UBA2: variants seen among roughly 807,000 people sequenced by gnomAD.
The protein encoded by UBA2 is SUMO-activating enzyme subunit 2.
A neutral mutation model predicts 77.2 loss-of-function variants in UBA2; 11 were observed. The ratio of observed to expected loss-of-function variants is 0.14; its 90% CI spans 0.09 to 0.24. The LOEUF (loss-of-function observed/expected upper bound fraction) is 0.24, where lower values mean the gene tolerates loss of function less well. UBA2 is among the 10% of genes least tolerant of loss of function. The pLI is 1.00. For missense variants in UBA2, 487 were observed against 781.7 expected (o/e 0.62, Z 4.50); for synonymous variants, 278 against 276.7 (o/e 1.00, Z -0.05).
At chr19:34,441,171 C>T (rs1382219629) in intron 6 of UBA2, among the ~76,000 whole-genome samples, 1 of 152,028 alleles carries the variant, frequency 6.6e-6, no homozygotes, top group Non-Finnish European at 1.5e-5. Context: ...TAAAAACTTA[C>T]TAGGCCGGGC....
rs869118014 is a variant in UBA2 at position 34,456,100 on chromosome 19, C to CTTT, written c.1245+1547_1245+1549dup. 8.7e-3 allele frequency among the ~76,000 whole-genome samples: 484 copies of CTTT among 55,754 alleles called. 83 individuals are homozygous for CTTT. Among genetic ancestry groups the CTTT allele is most frequent in the East Asian group, 0.013 (23 of 1,780 alleles). 36.6% of individuals were successfully genotyped at this position (55,754 alleles called of 152,430 possible). Reference sequence around the variant, plus strand: ...CCCGATGCGCTCTTTTTTTCCTTTTCTTTTTCTTTTTTTTTTTTTTTTTTG... The same window carrying CTTT: ...CCCGATGCGCTCTTTTTTTCCTTTTCTTTTTTTTCTTTTTTTTTTTTTTTTTTG... On this transcript the variant is annotated intron_variant, in intron 12 of 16. Coordinates refer to ENST00000246548, the MANE Select transcript of UBA2 (RefSeq NM_005499.3).
intron 14 of UBA2, among the ~76,000 whole-genome samples, chr19:34,462,651 G>A (rs2075644276): frequency 8.5e-5 from 13 of 152,058 alleles, no homozygotes; most frequent in Admixed American, 8.5e-4. Context: ...AAAAGTGGGG[G>A]GAGACTGAAA....
At chr19:34,441,193 C>T (rs909340817) in intron 6 of UBA2, among the ~76,000 whole-genome samples, 1 of 152,144 alleles carries the variant, frequency 6.6e-6, no homozygotes. Context: ...AGGTGGCTCA[C>T]GCCTGTAATC....
chr19:34,433,698 G>A (rs972641291), intron 4 of UBA2, among the ~76,000 whole-genome samples: 2 of 152,156 alleles, frequency 1.3e-5, no homozygotes, highest in African/African-American at 4.8e-5. Context: ...AGTGGCTCAC[G>A]CCTGTAATCC....
chr19:34,469,461 T>A lies in UBA2; in HGVS notation c.*240T>A, dbSNP rs2075718901. On this transcript the variant is annotated 3_prime_UTR_variant, in exon 17 of 17. Transcript: ENST00000246548. ...AGTGTGTGCATAACCAGTCATGAGATAAAACAACACAATGCATGTTGCCTT... is the reference window on the plus strand; with the variant it reads ...AGTGTGTGCATAACCAGTCATGAGAAAAAACAACACAATGCATGTTGCCTT... 1 of 249,176 alleles carries A rather than the reference T, an allele frequency of 4.0e-6. No homozygotes were observed. Among genetic ancestry groups the A allele is most frequent in the Admixed American group, 5.5e-5 (1 of 18,188 alleles). 15.4% of individuals were successfully genotyped at this position (249,176 alleles called of 1,614,324 possible). A position where few individuals can be genotyped will look rare whatever the true frequency, so the allele number is the denominator to read the frequency against.
At chr19:34,460,177 T>C (rs944775222) in intron 13 of UBA2, among the ~76,000 whole-genome samples, 6 of 152,194 alleles carry the variant, frequency 3.9e-5, no homozygotes, top group African/African-American at 1.4e-4. Context: ...GTCAAGTGTG[T>C]AGCTCACTAC....
chr19:34,445,522 C>G (rs2075419681), intron 8 of UBA2, among the ~76,000 whole-genome samples: 1 of 151,472 alleles, frequency 6.6e-6, no homozygotes, highest in Admixed American at 6.6e-5. Context: ...TCACTGCAGC[C>G]CCGCCTCCTG....
chr19:34,439,956 GA>G (rs1402133993), intron 6 of UBA2, among the ~76,000 whole-genome samples: 6 of 151,306 alleles, frequency 4.0e-5, no homozygotes, highest in Non-Finnish European at 7.4e-5. Flanking sequence ...TAGGCTATAA[GA>G]AAAAAAAGGG....
At chr19:34,464,377 G>A (rs1449222868) in intron 15 of UBA2, among the ~76,000 whole-genome samples, 1 of 152,072 alleles carries the variant, frequency 6.6e-6, no homozygotes, top group East Asian at 1.9e-4. Flanking sequence ...GGCCAACACG[G>A]TGAAACCCCG....
At chr19:34,448,535 C>G (rs1276698146) in intron 8 of UBA2, among the ~76,000 whole-genome samples, 2 of 152,092 alleles carry the variant, frequency 1.3e-5, no homozygotes, top group East Asian at 3.9e-4. Flanking sequence ...GTTGAGACTT[C>G]AGTGAGCTAT....
intron 3 of UBA2, 40 bp from the exon 4 acceptor site, chr19:34,433,308 G>C (rs751028308): frequency 1.4e-6 from 2 of 1,405,842 alleles, no homozygotes; most frequent in Non-Finnish European, 1.0e-6. Context: ...CATGTGGAAG[G>C]CTAGTTATTT....
In UBA2 at chr19:34,445,010, GGAA is replaced by G. The variant is rs1225590861; in HGVS notation, c.662_664del (p.Glu221del). On this transcript the variant is annotated inframe_deletion, in exon 8 of 17. Coordinates refer to ENST00000246548, the MANE Select transcript of UBA2 (RefSeq NM_005499.3). ...ATGATCGTTTTATAGGGGAACCAAC[GGAA>G]GCCGAAGCCAGAGCTAGAGCATCTA... The G allele has an allele frequency of 5.0e-6, 8 of 1,611,686 alleles. No individual in the cohort carries two copies. The highest frequency in any genetic ancestry group is 6.8e-6 in the Non-Finnish European group (8 of 1,179,318).
chr19:34,458,740 GATTTCTGCCTGTT>G lies in UBA2; in HGVS notation c.1246-22_1246-10del. 6.3e-7 allele frequency: 1 copy of G among 1,594,448 alleles called. No homozygotes were observed. Among genetic ancestry groups the G allele is most frequent in the Non-Finnish European group, 8.5e-7 (1 of 1,170,282 alleles). ...GCGTATAAAATTACAGCACGTTTCC[GATTTCTGCCTGTT>G]ATTTCTCCTCCAAAGATTTTTTTGA... On this transcript the variant is annotated splice_polypyrimidine_tract_variant and intron_variant, in intron 12 of 16. Transcript: ENST00000246548.
intron 10 of UBA2, among the ~76,000 whole-genome samples, chr19:34,452,513 G>GTAAGAT (rs2075512624): frequency 6.6e-6 from 1 of 152,208 alleles, no homozygotes; most frequent in Non-Finnish European, 1.5e-5. Flanking sequence ...CTTGAAAATA[G>GTAAGAT]TAAGATTGTC....
intron 12 of UBA2, among the ~76,000 whole-genome samples, chr19:34,456,217 C>T (rs1031951614): frequency 2.1e-5 from 3 of 142,798 alleles, no homozygotes; most frequent in East Asian, 2.1e-4. Context: ...TGGGTTCTAG[C>T]GATTCTCCTG....
intron 1 of UBA2, 170 bp downstream of exon 1, chr19:34,428,740 C>G: frequency 8.7e-7 from 1 of 1,149,172 alleles, no homozygotes; most frequent in Non-Finnish European, 1.1e-6. Flanking sequence ...CGGGAGGAGA[C>G]TGTTCTTTGG....
chr19:34,430,508 TGA>T, intron 1 of UBA2, 66 bp from the exon 2 acceptor site: 1 of 1,199,452 alleles, frequency 8.3e-7, no homozygotes, highest in Non-Finnish European at 1.2e-6. Flanking sequence ...TTACAGGTGC[TGA>T]GAGTAGTGAT....
chr19:34,431,553 G>C (rs1481164273), intron 2 of UBA2, among the ~76,000 whole-genome samples: 4 of 152,100 alleles, frequency 2.6e-5, no homozygotes, highest in African/African-American at 9.7e-5. Context: ...GTAAATACTT[G>C]TTAAGTGAAT....
intron 8 of UBA2, 34 bp downstream of exon 8, chr19:34,445,155 T>G: frequency 6.3e-7 from 1 of 1,588,384 alleles, no homozygotes; most frequent in Non-Finnish European, 8.6e-7. Context: ...CATGGATAGA[T>G]GTATTGTTGT....
Sources: allele counts gnomAD v4.1 joint callset (sites outside exome capture counted in the v4.1 genomes callset), GRCh38; gene constraint gnomAD v4.1.1; transcripts MANE v1.5; gene names NCBI Gene and HGNC (gene_info 2026-07-23, HGNC 2026-07-21).